Variants in TLL2 observed in about 807,000 individuals in gnomAD.
TLL2 encodes tolloid like 2.
A neutral mutation model predicts 123.0 loss-of-function variants in TLL2; 106 were observed. That is an observed-to-expected ratio of 0.86 (90% CI 0.74 to 1.01). The LOEUF (loss-of-function observed/expected upper bound fraction) is 1.01, where lower values mean the gene tolerates loss of function less well. TLL2 is among the 50% of genes least tolerant of loss of function. The pLI is 0.00. For synonymous variants in TLL2, 494 were observed against 516.8 expected, an observed-to-expected ratio of 0.96 and a Z score of 0.60; for missense variants, 1,332 against 1,336.7, an observed-to-expected ratio of 1.00 and a Z score of 0.06.
At chr10:96,468,294 A>G (rs1353238635) in intron 2 of TLL2, among the ~76,000 whole-genome samples, 3 of 152,094 alleles carry the variant, frequency 2.0e-5, no homozygotes, top group Non-Finnish European at 4.4e-5. Context: ...AGTGCCTTAC[A>G]TAGGTAGCTG....
intron 2 of TLL2, among the ~76,000 whole-genome samples, chr10:96,469,067 G>T (rs374920604): frequency 1.7e-4 from 26 of 152,226 alleles, no homozygotes; most frequent in Non-Finnish European, 3.2e-4. Flanking sequence ...GCCAGGCTGC[G>T]CCTGGTTCCT....
rs564976886 is a variant in TLL2, at chr10:96,481,520, C to A, written c.176-1061G>T. 2.3e-3 allele frequency among the ~76,000 whole-genome samples: 351 copies of A among 152,276 alleles called. 2 individuals are homozygous for A. The highest frequency in any genetic ancestry group is 4.3e-3 in the Non-Finnish European group (291 of 68,030). ...CTATCAGAAATAGTATGTTCTGTAA[C>A]AAAAATCCATTGCCTTTGGGCCAGG... On this transcript the variant is annotated intron_variant, in intron 1 of 20. Transcript: ENST00000357947.
intron 10 of TLL2, among the ~76,000 whole-genome samples, chr10:96,401,172 G>C (rs1038467937): frequency 2.0e-5 from 3 of 152,148 alleles, no homozygotes; most frequent in African/African-American, 7.2e-5. Context: ...GAGTCATAAA[G>C]GGTTCATTCA....
chr10:96,415,067 G>T (rs187555458), intron 7 of TLL2, among the ~76,000 whole-genome samples: 1 of 152,276 alleles, frequency 6.6e-6, no homozygotes, highest in Non-Finnish European at 1.5e-5. Flanking sequence ...GAATGCAAGG[G>T]GAGGCACGTG....
At chr10:96,488,132 C>T (rs1847375101) in intron 1 of TLL2, among the ~76,000 whole-genome samples, 2 of 152,256 alleles carry the variant, frequency 1.3e-5, no homozygotes, top group South Asian at 4.1e-4. Context: ...CGGATCCATG[C>T]TCAGCACAGA....
intron 2 of TLL2, among the ~76,000 whole-genome samples, chr10:96,477,797 T>G (rs888658135): frequency 2.0e-5 from 3 of 152,124 alleles, no homozygotes; most frequent in Non-Finnish European, 2.9e-5. Flanking sequence ...TCACCACCCT[T>G]CTGGGAGCAA....
chr10:96,495,368 G>A (rs536888495), intron 1 of TLL2, among the ~76,000 whole-genome samples: 1 of 152,278 alleles, frequency 6.6e-6, no homozygotes, highest in South Asian at 2.1e-4. Context: ...TTTGTCAAGG[G>A]AGTGTATGTA....
At chr10:96,505,247 T>TGAGAACTCGCTCACCATCACGAGAACA (rs1847568536) in intron 1 of TLL2, among the ~76,000 whole-genome samples, 3 of 152,096 alleles carry the variant, frequency 2.0e-5, no homozygotes, top group Non-Finnish European at 4.4e-5. Context: ...TCAGGTCTTG[T>TGAGAACTCGCTCACCATCACGAGAACA]GAGAACTCGC....
chr10:96,508,090 G>C (rs1054654670), intron 1 of TLL2, among the ~76,000 whole-genome samples: 1 of 152,160 alleles, frequency 6.6e-6, no homozygotes, highest in Non-Finnish European at 1.5e-5. Context: ...CTGGGGATGG[G>C]TCATGCCAGG....
At chr10:96,379,599 A>T (rs902471585) in intron 16 of TLL2, among the ~76,000 whole-genome samples, 2 of 152,156 alleles carry the variant, frequency 1.3e-5, no homozygotes, top group Non-Finnish European at 2.9e-5. Flanking sequence ...AGGTGGGTGG[A>T]TCACCTGAGG....
At chr10:96,375,453 G>C (rs539820143) in intron 18 of TLL2, 1 of 152,110 alleles carries the variant, frequency 6.6e-6, no homozygotes, top group African/African-American at 2.4e-5. Context: ...GCCAGAAGGC[G>C]CCTCCCCCGA....
chr10:96,469,493 C>A (rs56101127), intron 2 of TLL2, among the ~76,000 whole-genome samples: 1 of 152,112 alleles, frequency 6.6e-6, no homozygotes, highest in Non-Finnish European at 1.5e-5. Context: ...TGCCTCTGCT[C>A]TGCCTCTGGT....
chr10:96,506,024 C>A (rs922739047), intron 1 of TLL2, among the ~76,000 whole-genome samples: 4 of 151,762 alleles, frequency 2.6e-5, no homozygotes, highest in East Asian at 1.9e-4. Context: ...GAGGCTGAGG[C>A]GGGTGGATCA....
chr10:96,368,359 G>T, intron 20 of TLL2, 137 bp from the exon 21 acceptor site: 2 of 1,014,144 alleles, frequency 2.0e-6, no homozygotes, highest in Non-Finnish European at 1.4e-6. Flanking sequence ...ATCCAAACAA[G>T]CTCCTTTTCA....
Position 96,370,079 on chromosome 10 carries a change from A to C in TLL2, c.2899T>G (p.Phe967Val). ...CCGGGACTTACCCCAGAGCCACAGA[A>C]GCGGCCGAGCCTGGGCGCTGAGCTG... ...YDSSAPRLGRFCGSGPLEEIY... is the reference protein window; with the variant it reads ...YDSSAPRLGRVCGSGPLEEIY... Residue 967 changes from phenylalanine (F) to valine (V), a missense_variant, in exon 20 of 21, where the codon TTC (phenylalanine) becomes GTC (valine). Physicochemically the swap from Phe to Val is conservative, Grantham distance 50 (BLOSUM62 -1). Coordinates refer to ENST00000357947, the MANE Select transcript of TLL2 (RefSeq NM_012465.4). The C allele has an allele frequency of 3.8e-6, 6 of 1,595,276 alleles. No homozygotes were observed. Among genetic ancestry groups the C allele is most frequent in the Non-Finnish European group, 5.1e-6 (6 of 1,170,430 alleles).
intron 2 of TLL2, among the ~76,000 whole-genome samples, chr10:96,476,248 T>TTTG (rs1554939655): frequency 1.4e-3 from 96 of 68,916 alleles, no homozygotes; most frequent in Middle Eastern, 8.5e-3. Context: ...ATATTTTATT[T>TTTG]TTGTTGTTGT....
rs966864051 is a variant in TLL2 at position 96,391,391 on chromosome 10, G to A, written c.1726+3796C>T. On this transcript the variant is annotated intron_variant, in intron 13 of 20. Transcript: ENST00000357947. ...CAGCACCTCAAACTCCACTTGCCAC[G>A]TCCAGAGCCCTTTTGCCTATACCTC... 5.9e-5 allele frequency among the ~76,000 whole-genome samples: 9 copies of A among 152,160 alleles called. No homozygotes were observed. In the South Asian group the frequency reaches 6.2e-4, roughly 11 times the overall value.
intron 3 of TLL2, among the ~76,000 whole-genome samples, chr10:96,437,214 A>T (rs1846805537): frequency 6.6e-6 from 1 of 152,192 alleles, no homozygotes; most frequent in Non-Finnish European, 1.5e-5. Flanking sequence ...TTATAAATTG[A>T]AATTTTTATT....
At chr10:96,432,005 G>A (rs377124112) in intron 4 of TLL2, among the ~76,000 whole-genome samples, 5 of 152,234 alleles carry the variant, frequency 3.3e-5, no homozygotes, top group African/African-American at 1.2e-4. Flanking sequence ...TGAAGGATGG[G>A]AGAAGGGTAG....
Sources: gnomAD v4.1 joint callset for allele counts (sites outside exome capture counted in the v4.1 genomes callset) on GRCh38, gnomAD v4.1.1 for gene constraint, MANE v1.5 for transcripts, NCBI Gene and HGNC (gene_info 2026-07-23, HGNC 2026-07-21) for gene names.